Variants in CNTN4 observed in about 807,000 individuals in gnomAD.
CNTN4 encodes contactin-4.
In CNTN4, 77 loss-of-function variants were observed where a neutral mutation model predicts 122.5. That is an observed-to-expected ratio of 0.63 (90% confidence interval 0.52 to 0.76). CNTN4 has a LOEUF of 0.76. CNTN4 is among the 30% of genes least tolerant of loss of function. CNTN4 has a pLI of 0.00. For missense variants in CNTN4, 1,256 were observed against 1,259.1 expected (o/e 1.00, Z 0.04); for synonymous variants, 512 against 447.0 (o/e 1.15, Z -1.83).
Position 2,982,501 on chromosome 3 carries a change from T to G in CNTN4, c.1359-5844T>G, listed in dbSNP as rs61203356. Among the ~76,000 whole-genome samples the G allele has an allele frequency of 6.7e-3, 1,016 of 152,344 alleles. 10 individuals are homozygous for G. The highest frequency in any genetic ancestry group is 0.023 in the African/African-American group (968 of 41,574). ...GCTTCTCTTTCTCTCTCTCTTTCTC[T>G]TGGGCTCTGTTTGTCTTTGGATGGC... On this transcript the variant is annotated intron_variant, in intron 13 of 24. Transcript: ENST00000418658.
chr3:2,672,567 G>A (rs891651383), intron 4 of CNTN4, among the ~76,000 whole-genome samples: 1 of 152,192 alleles, frequency 6.6e-6, no homozygotes. Flanking sequence ...CTTCCCGGGT[G>A]AGGCAATGCG....
chr3:2,835,812 G>T (rs1233441523), intron 7 of CNTN4, among the ~76,000 whole-genome samples: 1 of 152,046 alleles, frequency 6.6e-6, no homozygotes, highest in Non-Finnish European at 1.5e-5. Context: ...AGGAATCCTG[G>T]AAATCAAAAT....
chr3:2,879,079 T>A (rs66564764), intron 8 of CNTN4, among the ~76,000 whole-genome samples: 38,975 of 152,068 alleles, frequency 0.26, 5,094 homozygotes, highest in Middle Eastern at 0.35. Flanking sequence ...GAATGTAACC[T>A]TATTTAGAAA....
rs1167953885 is a variant in CNTN4, at chr3:2,600,005, CTTCTTTTTTTTTTTT to C, written c.55+28450_55+28464del. 1.4e-3 allele frequency among the ~76,000 whole-genome samples: 41 copies of C among 28,302 alleles called. 1 individual carries two copies. Among genetic ancestry groups the C allele is most frequent in the South Asian group, 9.0e-3 (6 of 668 alleles). The allele number at this position is 28,302 out of a possible 152,430, so 18.6% of individuals were successfully genotyped here. A position where few individuals can be genotyped will look rare whatever the true frequency, so the allele number is the denominator to read the frequency against. On this transcript the variant is annotated intron_variant, in intron 4 of 24. Coordinates refer to ENST00000418658, the MANE Select transcript of CNTN4 (RefSeq NM_175607.3). Reference sequence around the variant, plus strand: ...CAACTCTATTTTGGTTTATGGAATTCTTCTTTTTTTTTTTTTTTTTTTTTTTTTTTGCCAAAACAT... The same window carrying C: ...CAACTCTATTTTGGTTTATGGAATTCTTTTTTTTTTTTTTTGCCAAAACAT...
chr3:2,655,567 G>T (rs780466835), intron 4 of CNTN4, among the ~76,000 whole-genome samples: 8 of 152,204 alleles, frequency 5.3e-5, no homozygotes, highest in South Asian at 4.1e-4. Context: ...AGCATGCAGG[G>T]CAGTTGGCAG....
At chr3:2,334,260 C>T (rs35389256) in intron 2 of CNTN4, among the ~76,000 whole-genome samples, 11,041 of 152,124 alleles carry the variant, frequency 0.073, 464 homozygotes, top group Middle Eastern at 0.085. Context: ...CAGGTTCAAG[C>T]GATTCTCCTG....
chr3:2,189,952 C>G (rs1487139373), intron 2 of CNTN4, among the ~76,000 whole-genome samples: 12 of 152,168 alleles, frequency 7.9e-5, no homozygotes, highest in Admixed American at 7.9e-4. Flanking sequence ...AGTTGTGACA[C>G]AAAGGCTTGG....
At chr3:2,689,472 C>T (rs1468365940) in intron 4 of CNTN4, among the ~76,000 whole-genome samples, 1 of 152,134 alleles carries the variant, frequency 6.6e-6, no homozygotes, top group African/African-American at 2.4e-5. Context: ...CCTCCCAGTC[C>T]AGAGGAAACT....
chr3:2,217,762 G>A (rs1327470093), intron 2 of CNTN4, among the ~76,000 whole-genome samples: 1 of 152,120 alleles, frequency 6.6e-6, no homozygotes, highest in Non-Finnish European at 1.5e-5. Context: ...GAAAAATACA[G>A]CAATGCAAAA....
intron 2 of CNTN4, among the ~76,000 whole-genome samples, chr3:2,264,557 T>G (rs2040965899): frequency 6.6e-6 from 1 of 152,168 alleles, no homozygotes; most frequent in Non-Finnish European, 1.5e-5. Flanking sequence ...TTTCTCCCAT[T>G]TTGTAAGTTA....
chr3:2,844,454 GA>G (rs2093420785), intron 7 of CNTN4, among the ~76,000 whole-genome samples: 1 of 152,178 alleles, frequency 6.6e-6, no homozygotes, highest in Non-Finnish European at 1.5e-5. Flanking sequence ...TTTGCCTTCT[GA>G]CCCTTCAGAA....
intron 14 of CNTN4, among the ~76,000 whole-genome samples, chr3:3,005,999 C>T (rs917833974): frequency 1.3e-5 from 2 of 151,356 alleles, no homozygotes; most frequent in Non-Finnish European, 2.9e-5. Flanking sequence ...CATTCTCGTG[C>T]CTCAGCCTCC....
chr3:2,444,577 G>C (rs760918688), intron 3 of CNTN4, among the ~76,000 whole-genome samples: 40 of 152,160 alleles, frequency 2.6e-4, no homozygotes, highest in Non-Finnish European at 5.0e-4. Context: ...AGATCACATA[G>C]AGCCTTGTTG....
intron 2 of CNTN4, among the ~76,000 whole-genome samples, chr3:2,271,074 G>A (rs1296010368): frequency 6.6e-6 from 1 of 152,114 alleles, no homozygotes; most frequent in East Asian, 1.9e-4. Context: ...ATAGATGGTA[G>A]AAAACGAAAT....
chr3:2,527,197 T>A (rs2077428256), intron 3 of CNTN4, among the ~76,000 whole-genome samples: 2 of 152,190 alleles, frequency 1.3e-5, no homozygotes, highest in Admixed American at 1.3e-4. Flanking sequence ...GGATTCCTTC[T>A]GGTCATTACA....
chr3:2,714,652 G>A (rs1345753711), intron 4 of CNTN4, among the ~76,000 whole-genome samples: 1 of 152,190 alleles, frequency 6.6e-6, no homozygotes, highest in Non-Finnish European at 1.5e-5. Context: ...AACAGAACCA[G>A]AGACAGCCAG....
chr3:2,941,398 A>G lies in CNTN4; in HGVS notation c.1358+15619A>G, dbSNP rs780529153. ...TACAGGATTCTCCCCTGAGCAATGT[A>G]TGGTTAACATTCTTCAGAAGGAACT... On this transcript the variant is annotated intron_variant, in intron 13 of 24. Coordinates refer to ENST00000418658, the MANE Select transcript of CNTN4 (RefSeq NM_175607.3). Among the ~76,000 whole-genome samples, 4 of 152,236 alleles carry G rather than the reference A, an allele frequency of 2.6e-5. No homozygotes were observed. The South Asian group carries it at 8.3e-4, about 32-fold the overall frequency.
At chr3:2,265,143 A>G (rs1374753768) in intron 2 of CNTN4, among the ~76,000 whole-genome samples, 1 of 152,112 alleles carries the variant, frequency 6.6e-6, no homozygotes, top group Non-Finnish European at 1.5e-5. Flanking sequence ...TACTTCACAT[A>G]GAATAATAGT....
chr3:2,678,415 C>G (rs1249823187), intron 4 of CNTN4, among the ~76,000 whole-genome samples: 1 of 152,132 alleles, frequency 6.6e-6, no homozygotes, highest in Non-Finnish European at 1.5e-5. Context: ...CTTTATCTTA[C>G]TAGGTAGCTG....
Sources: gnomAD v4.1 joint callset for allele counts (sites outside exome capture counted in the v4.1 genomes callset) on GRCh38, gnomAD v4.1.1 for gene constraint, MANE v1.5 for transcripts, NCBI Gene and HGNC (gene_info 2026-07-23, HGNC 2026-07-21) for gene names.